CTTNBP2NL: variants seen among roughly 807,000 people sequenced by gnomAD.
The protein encoded by CTTNBP2NL is CTTNBP2 N-terminal-like protein.
Under a neutral mutation model 32.5 loss-of-function variants are expected in CTTNBP2NL, and 16 were observed. That is an observed-to-expected ratio of 0.49 (90% CI 0.33 to 0.75). CTTNBP2NL has a LOEUF of 0.75. CTTNBP2NL is among the 30% of genes least tolerant of loss of function. The pLI, the probability that CTTNBP2NL is intolerant of heterozygous loss-of-function variation, is 0.02. For synonymous variants in CTTNBP2NL, 298 were observed against 289.4 expected, an observed-to-expected ratio of 1.03 and a Z score of -0.30; for missense variants, 645 against 756.0, an observed-to-expected ratio of 0.85 and a Z score of 1.72.
At chr1:112,438,486 A>G (rs760773820) in intron 3 of CTTNBP2NL, among the ~76,000 whole-genome samples, 1 of 152,120 alleles carries the variant, frequency 6.6e-6, no homozygotes, top group Non-Finnish European at 1.5e-5. Flanking sequence ...TTCTATATCT[A>G]TTCTAGATAT....
rs1248415609 is a variant in CTTNBP2NL at position 112,456,976 on chromosome 1, C to T, written c.1484C>T (p.Ser495Phe). 1 of 1,614,060 alleles carries T rather than the reference C, an allele frequency of 6.2e-7. No individual in the cohort carries two copies. Among genetic ancestry groups the T allele is most frequent in the Non-Finnish European group, 8.5e-7 (1 of 1,180,046 alleles). Reference sequence around the variant, plus strand: ...TTATCCCCCACCCTCATAGACAACTCTGCCGCCAAGCAGCTGGCCCGAAAC... The same window carrying T: ...TTATCCCCCACCCTCATAGACAACTTTGCCGCCAAGCAGCTGGCCCGAAAC... ...RDLSPTLIDN[S>F]AAKQLARNTV... The change falls in exon 6 of 6, where the codon TCT (serine) becomes TTT (phenylalanine). Residue 495 changes from serine to phenylalanine, a missense_variant. By Grantham distance (155) the Ser-to-Phe change is radical. Coordinates refer to ENST00000271277, the MANE Select transcript of CTTNBP2NL (RefSeq NM_018704.3).
chr1:112,428,318 G>A (rs1246591696), intron 3 of CTTNBP2NL, among the ~76,000 whole-genome samples: 1 of 151,940 alleles, frequency 6.6e-6, no homozygotes, highest in African/African-American at 2.4e-5. Context: ...TCAACTCTCA[G>A]TTTATTAACA....
At position 112,461,097 on chromosome 1, in the gene CTTNBP2NL, G is replaced by A. The variant is rs944616595; in HGVS notation, c.*3685G>A. The A allele has an allele frequency of 1.3e-5, 2 of 152,148 alleles. No homozygotes were observed. The highest frequency in any genetic ancestry group is 4.8e-5 in the African/African-American group (2 of 41,416). The allele number at this position is 152,148 out of a possible 1,614,324, so 9.4% of individuals were successfully genotyped here. A position where few individuals can be genotyped will look rare whatever the true frequency, so the allele number is the denominator to read the frequency against. Reference sequence around the variant, plus strand: ...CTATAAAACTAGTTGAGAAATGAGAGCCTGTCCACCCACCATTTGTGTATC... The same window carrying A: ...CTATAAAACTAGTTGAGAAATGAGAACCTGTCCACCCACCATTTGTGTATC... On this transcript the variant is annotated 3_prime_UTR_variant, in exon 6 of 6. Transcript: ENST00000271277.
upstream of CTTNBP2NL, among the ~76,000 whole-genome samples, chr1:112,394,205 T>TAAAAAAA (rs60528857): frequency 1.4e-5 from 1 of 73,306 alleles, no homozygotes; most frequent in Non-Finnish European, 3.1e-5. Flanking sequence ...TCCATCTCGA[T>TAAAAAAA]AAAAAAAAAA....
At chr1:112,405,499 T>C (rs938023246) in intron 1 of CTTNBP2NL, among the ~76,000 whole-genome samples, 2 of 152,166 alleles carry the variant, frequency 1.3e-5, no homozygotes. Flanking sequence ...GGTTTCACCA[T>C]GTTGGCCAGG....
upstream of CTTNBP2NL, among the ~76,000 whole-genome samples, chr1:112,394,367 G>A (rs1409067792): frequency 3.3e-5 from 5 of 152,296 alleles, no homozygotes; most frequent in East Asian, 7.7e-4. Context: ...TAGGCAGAGC[G>A]AAAGGGAGGA....
At position 112,457,253 on chromosome 1, in the gene CTTNBP2NL, T is replaced by C; in HGVS notation, c.1761T>C (p.Pro587=). Residue 587 remains proline, a synonymous_variant, in exon 6 of 6, where the codon CCT becomes CCC. Coordinates refer to ENST00000271277, the MANE Select transcript of CTTNBP2NL (RefSeq NM_018704.3). ...CTCCACCCATCCCACCCAAGAAACC[T>C]GGCCTCACCCCTTCTCCATCTGCTA... ...GNPPPIPPKK[P]GLTPSPSATT... 1 of 1,614,124 alleles carries C rather than the reference T, an allele frequency of 6.2e-7. No individual in the cohort carries two copies. The highest frequency in any genetic ancestry group is 8.5e-7 in the Non-Finnish European group (1 of 1,180,034).
rs180958410 is a variant in CTTNBP2NL, at chr1:112,422,173, T to C, written c.99+5909T>C. On this transcript the variant is annotated intron_variant, in intron 3 of 5. Coordinates refer to ENST00000271277, the MANE Select transcript of CTTNBP2NL (RefSeq NM_018704.3). The stretch of plus-strand genomic sequence containing the variant: ...TCTGCCCCTTACCCCAAACCACTGA[T>C]CTGCTTTCTGTCATCAGAAATTATT... Among the ~76,000 whole-genome samples the C allele has an allele frequency of 8.3e-4, 127 of 152,314 alleles. 1 individual carries two copies. Among genetic ancestry groups the C allele is most frequent in the Non-Finnish European group, 2.1e-4 (14 of 68,024 alleles).
At chr1:112,423,683 AG>A in intron 3 of CTTNBP2NL, among the ~76,000 whole-genome samples, 1 of 152,312 alleles carries the variant, frequency 6.6e-6, no homozygotes, top group Non-Finnish European at 1.5e-5. Flanking sequence ...TCTTTTGAAG[AG>A]CAAAAGTTTT....
intron 1 of CTTNBP2NL, among the ~76,000 whole-genome samples, chr1:112,407,870 G>A (rs1419150856): frequency 1.2e-4 from 12 of 103,870 alleles, no homozygotes; most frequent in Non-Finnish European, 2.3e-4. Flanking sequence ...TTTGAGGCAG[G>A]GTCTCGCTGT....
At chr1:112,393,571 A>G (rs544203478), upstream of CTTNBP2NL, among the ~76,000 whole-genome samples, 4 of 152,332 alleles carry the variant, frequency 2.6e-5, no homozygotes, top group African/African-American at 7.2e-5. Flanking sequence ...TACAAGGTTT[A>G]TGTATTGAAG....
At chr1:112,446,682 C>T (rs2101028249) in intron 3 of CTTNBP2NL, among the ~76,000 whole-genome samples, 1 of 152,304 alleles carries the variant, frequency 6.6e-6, no homozygotes, top group African/African-American at 2.4e-5. Context: ...TCCCAAGTAG[C>T]TGGGGCTACA....
Position 112,420,750 on chromosome 1 carries a change from A to G in CTTNBP2NL, c.99+4486A>G, listed in dbSNP as rs1186713938. ...CCAAAGTGCTGGGATTACAGGCATG[A>G]GCCACCGTGCCAGCCTATTCCTGCT... On this transcript the variant is annotated intron_variant, in intron 3 of 5. Transcript: ENST00000271277. Among the ~76,000 whole-genome samples the G allele has an allele frequency of 7.2e-5, 11 of 152,214 alleles. 1 individual carries two copies. Among genetic ancestry groups the G allele is most frequent in the Admixed American group, 6.5e-4 (10 of 15,282 alleles).
At chr1:112,408,220 A>ATTTTTTTTTTTTTTTTTTTTTTT (rs397981257) in intron 1 of CTTNBP2NL, among the ~76,000 whole-genome samples, 3 of 103,762 alleles carry the variant, frequency 2.9e-5, no homozygotes, top group African/African-American at 8.6e-5. Flanking sequence ...TTTTTTTTTA[A>ATTTTTTTTTTTTTTTTTTTTTTT]TTTTTTTTTT....
chr1:112,410,988 A>C (rs1648845338), intron 1 of CTTNBP2NL, among the ~76,000 whole-genome samples: 1 of 152,216 alleles, frequency 6.6e-6, no homozygotes, highest in Non-Finnish European at 1.5e-5. Flanking sequence ...TTTTTCTGAT[A>C]ATGAATATGG....
intron 3 of CTTNBP2NL, among the ~76,000 whole-genome samples, chr1:112,422,356 A>G (rs1439328788): frequency 2.0e-5 from 3 of 152,206 alleles, no homozygotes; most frequent in East Asian, 1.9e-4. Context: ...TTGGCATTAT[A>G]TGTATATACC....
chr1:112,403,230 A>G (rs576288897), intron 1 of CTTNBP2NL, among the ~76,000 whole-genome samples: 2 of 152,098 alleles, frequency 1.3e-5, no homozygotes, highest in South Asian at 2.1e-4. Flanking sequence ...TTTTCTCTTC[A>G]GTCAAGTCAG....
At chr1:112,452,413 T>C (rs781558314) in intron 4 of CTTNBP2NL, among the ~76,000 whole-genome samples, 1 of 146,844 alleles carries the variant, frequency 6.8e-6, no homozygotes, top group Non-Finnish European at 1.5e-5. Flanking sequence ...GGCACAATCT[T>C]GGCTCACCAC....
intron 1 of CTTNBP2NL, among the ~76,000 whole-genome samples, chr1:112,400,388 C>T (rs573303409): frequency 1.4e-4 from 21 of 152,156 alleles, no homozygotes; most frequent in East Asian, 3.9e-4. Context: ...AGGCCAGGTG[C>T]GGAGGCTCAC....
Sources: allele counts gnomAD v4.1 joint callset (sites outside exome capture counted in the v4.1 genomes callset), GRCh38; gene constraint gnomAD v4.1.1; transcripts MANE v1.5; gene names NCBI Gene and HGNC (gene_info 2026-07-23, HGNC 2026-07-21).